The following PDE11A variants were observed in gnomAD, a reference collection of about 807,000 sequenced individuals.
PDE11A encodes the protein dual 3',5'-cyclic-AMP and -GMP phosphodiesterase 11A.
In PDE11A, 100 loss-of-function variants were observed where a neutral mutation model predicts 100.5. The observed-to-expected ratio is 1.00, with a 90% CI of 0.85 to 1.18. PDE11A has a LOEUF of 1.18. Ranked by LOEUF, PDE11A falls within the 50% of genes most tolerant of loss-of-function variation. The pLI, the probability that PDE11A is intolerant of heterozygous loss-of-function variation, is 0.00. For missense variants in PDE11A, 1,141 were observed against 1,152.6 expected, an observed-to-expected ratio of 0.99 and a Z score of 0.15; for synonymous variants, 381 against 420.8, an observed-to-expected ratio of 0.91 and a Z score of 1.16.
At chr2:177,933,479 G>A (rs1274229264) in intron 2 of PDE11A, among the ~76,000 whole-genome samples, 3 of 152,024 alleles carry the variant, frequency 2.0e-5, no homozygotes, top group African/African-American at 2.4e-5. Context: ...TCAGGAGTTC[G>A]AGACCAGCTT....
At chr2:178,042,160 T>C (rs545932779) in intron 1 of PDE11A, among the ~76,000 whole-genome samples, 1 of 152,270 alleles carries the variant, frequency 6.6e-6, no homozygotes, top group South Asian at 2.1e-4. Context: ...TATTCAAACA[T>C]TCTAAAGATA....
chr2:178,036,060 A>T (rs2086609402), intron 1 of PDE11A, among the ~76,000 whole-genome samples: 2 of 152,210 alleles, frequency 1.3e-5, no homozygotes, highest in African/African-American at 4.8e-5. Context: ...AGGGTATTCA[A>T]ATAGAAAGAG....
At chr2:177,752,857 T>C (rs1399518374) in intron 10 of PDE11A, among the ~76,000 whole-genome samples, 1 of 152,198 alleles carries the variant, frequency 6.6e-6, no homozygotes, top group Non-Finnish European at 1.5e-5. Context: ...TTAATGCGAG[T>C]CTGCAGAATT....
At chr2:177,904,272 G>T (rs761103863) in intron 3 of PDE11A, among the ~76,000 whole-genome samples, 4 of 152,048 alleles carry the variant, frequency 2.6e-5, no homozygotes, top group Middle Eastern at 3.2e-3. Context: ...AGCTCTCTAA[G>T]TGTTTCTTTA....
intron 2 of PDE11A, among the ~76,000 whole-genome samples, chr2:177,962,452 G>T (rs1234164562): frequency 1.3e-5 from 2 of 151,752 alleles, no homozygotes; most frequent in East Asian, 3.9e-4. Flanking sequence ...ATACTATCAT[G>T]GATATAAAAT....
chr2:177,757,824 T>C (rs748423548), intron 10 of PDE11A, among the ~76,000 whole-genome samples: 1 of 152,108 alleles, frequency 6.6e-6, no homozygotes, highest in African/African-American at 2.4e-5. Context: ...CCTTCTACCA[T>C]GTGGTCTTAT....
rs188473868 is a variant in PDE11A, at chr2:177,997,986, G to T, written c.1071+16316C>A. On this transcript the variant is annotated intron_variant, in intron 2 of 19. Coordinates refer to ENST00000286063, the MANE Select transcript of PDE11A (RefSeq NM_016953.4). ...CAAGGTTAGGGAGAACCTGCTCACA[G>T]AAATATGTCACAGACCTTGTGGAAT... 2.6e-3 allele frequency: 3,131 copies of T among 1,206,562 alleles called. 9 individuals are homozygous for T. Among genetic ancestry groups the T allele is most frequent in the Non-Finnish European group, 3.1e-3 (2,541 of 809,032 alleles). The allele number at this position is 1,206,562 out of a possible 1,614,324, so 74.7% of individuals were successfully genotyped here. A position where few individuals can be genotyped will look rare whatever the true frequency, so the allele number is the denominator to read the frequency against.
intron 2 of PDE11A, among the ~76,000 whole-genome samples, chr2:177,944,756 C>T (rs1265491207): frequency 6.6e-6 from 1 of 151,708 alleles, no homozygotes; most frequent in Admixed American, 6.6e-5. Context: ...GTGGAGCCTC[C>T]GAGGCCGAGG....
chr2:178,075,533 CA>C (rs1396045431), upstream of PDE11A, among the ~76,000 whole-genome samples: 1 of 108,480 alleles, frequency 9.2e-6, no homozygotes, highest in Admixed American at 1.4e-4. Context: ...GCCTGGGCAA[CA>C]GAGTGAGACT....
chr2:177,886,626 G>A (rs183044605), intron 4 of PDE11A, among the ~76,000 whole-genome samples: 1 of 152,166 alleles, frequency 6.6e-6, no homozygotes, highest in East Asian at 1.9e-4. Context: ...TTGTTTTCAG[G>A]AATTATTCTA....
intron 3 of PDE11A, among the ~76,000 whole-genome samples, chr2:177,904,346 C>T (rs1191277869): frequency 6.6e-6 from 1 of 151,976 alleles, no homozygotes; most frequent in East Asian, 1.9e-4. Context: ...CTTTCAGAAA[C>T]CCTTTCAATC....
At chr2:177,696,605 T>C (rs979195300) in intron 15 of PDE11A, among the ~76,000 whole-genome samples, 1 of 152,090 alleles carries the variant, frequency 6.6e-6, no homozygotes, top group African/African-American at 2.4e-5. Flanking sequence ...AAATGGGTGT[T>C]AGGAAAATAG....
intron 10 of PDE11A, among the ~76,000 whole-genome samples, chr2:177,748,938 G>T (rs2081990467): frequency 6.6e-6 from 1 of 151,970 alleles, no homozygotes; most frequent in Non-Finnish European, 1.5e-5. Flanking sequence ...TAAAATTATT[G>T]TTCTTCAACA....
intron 2 of PDE11A, among the ~76,000 whole-genome samples, chr2:177,992,483 T>G (rs1411408652): frequency 7.0e-6 from 1 of 143,662 alleles, no homozygotes; most frequent in African/African-American, 2.6e-5. Flanking sequence ...TCATGCTATT[T>G]GCCTCTTCAG....
chr2:177,722,869 A>T (rs1030236050), intron 12 of PDE11A, among the ~76,000 whole-genome samples: 1 of 152,062 alleles, frequency 6.6e-6, no homozygotes, highest in Non-Finnish European at 1.5e-5. Context: ...TACTTTTTTG[A>T]TAAGGAAATA....
chr2:177,840,213 C>T (rs929012333), intron 6 of PDE11A, 38 bp downstream of exon 6: 4 of 1,610,548 alleles, frequency 2.5e-6, no homozygotes, highest in Non-Finnish European at 3.4e-6. Flanking sequence ...AGTGCGACAA[C>T]TGAAACTTAG....
intron 7 of PDE11A, among the ~76,000 whole-genome samples, chr2:177,819,911 T>C (rs973246239): frequency 7.9e-6 from 1 of 126,580 alleles, no homozygotes; most frequent in African/African-American, 3.5e-5. Context: ...TGTCTCTCTC[T>C]GGCTTTTTTT....
chr2:177,943,145 T>C (rs569664072), intron 2 of PDE11A, among the ~76,000 whole-genome samples: 48 of 152,372 alleles, frequency 3.2e-4, no homozygotes, highest in Admixed American at 1.2e-3. Context: ...AGATTGCTTC[T>C]ACCTCTTGGC....
chr2:177,940,214 A>T (rs1483330310), intron 2 of PDE11A, among the ~76,000 whole-genome samples: 1 of 152,198 alleles, frequency 6.6e-6, no homozygotes, highest in Non-Finnish European at 1.5e-5. Flanking sequence ...GAAGCTTTCC[A>T]TAATTTTTCT....
Sources: allele counts gnomAD v4.1 joint callset (sites outside exome capture counted in the v4.1 genomes callset), GRCh38; gene constraint gnomAD v4.1.1; transcripts MANE v1.5; gene names NCBI Gene and HGNC (gene_info 2026-07-23, HGNC 2026-07-21).